Variants in SCCPDH observed in about 807,000 individuals in gnomAD.
SCCPDH encodes the protein saccharopine dehydrogenase (putative), also known as saccharopine dehydrogenase-like oxidoreductase.
SCCPDH carries 34 observed loss-of-function variants against 51.5 expected under a neutral mutation model. The ratio of observed to expected loss-of-function variants is 0.66; its 90% CI spans 0.50 to 0.88. The LOEUF is 0.88. Ranked by LOEUF, SCCPDH falls within the 40% of genes least tolerant of loss-of-function variation. The probability of loss-of-function intolerance (pLI) is 0.00; values close to 1 mark genes in which losing one functional copy is unlikely to be tolerated. For synonymous variants in SCCPDH, 187 were observed against 191.3 expected (o/e 0.98, Z 0.19); for missense variants, 464 against 527.1 (o/e 0.88, Z 1.17).
intron 5 of SCCPDH, among the ~76,000 whole-genome samples, chr1:246,746,095 G>T (rs544154962): frequency 1.6e-5 from 2 of 125,356 alleles, no homozygotes; most frequent in East Asian, 4.6e-4. Flanking sequence ...GCGACAGAGC[G>T]AGACTCCATC....
intron 5 of SCCPDH, among the ~76,000 whole-genome samples, chr1:246,751,353 T>C (rs998380296): frequency 1.3e-5 from 2 of 152,256 alleles, no homozygotes; most frequent in Admixed American, 1.3e-4. Flanking sequence ...TGTGCTTTTA[T>C]TTTAATGTCC....
intron 5 of SCCPDH, among the ~76,000 whole-genome samples, chr1:246,745,418 A>G (rs995002002): frequency 2.0e-5 from 3 of 152,210 alleles, no homozygotes; most frequent in African/African-American, 7.2e-5. Context: ...TGCAAACCCT[A>G]CCTTTAAAGT....
intron 2 of SCCPDH, among the ~76,000 whole-genome samples, chr1:246,730,871 C>A (rs1172887297): frequency 1.3e-5 from 2 of 151,986 alleles, no homozygotes; most frequent in Admixed American, 6.6e-5. Context: ...CCAGCCTGGC[C>A]AACATGGTGA....
At chr1:246,757,109 C>G (rs907837383) in intron 5 of SCCPDH, among the ~76,000 whole-genome samples, 2 of 152,090 alleles carry the variant, frequency 1.3e-5, no homozygotes, top group African/African-American at 4.8e-5. Context: ...TTTGGGAGGC[C>G]AAGGCGGGCG....
chr1:246,759,568 C>G (rs573033847), intron 7 of SCCPDH, among the ~76,000 whole-genome samples: 1 of 152,138 alleles, frequency 6.6e-6, no homozygotes, highest in Non-Finnish European at 1.5e-5. Context: ...GCCGAGACTT[C>G]AGGAGGAAAT....
At chr1:246,753,307 A>G (rs1668882392) in intron 5 of SCCPDH, among the ~76,000 whole-genome samples, 2 of 152,058 alleles carry the variant, frequency 1.3e-5, no homozygotes, top group African/African-American at 4.8e-5. Context: ...GGCTTCTCTT[A>G]GAAGCTCTTC....
At chr1:246,751,617 C>A (rs1352305520) in intron 5 of SCCPDH, among the ~76,000 whole-genome samples, 1 of 152,130 alleles carries the variant, frequency 6.6e-6, no homozygotes, top group Non-Finnish European at 1.5e-5. Flanking sequence ...ACATTTCTTG[C>A]ATAAATTCCC....
rs1191192593 is a variant in SCCPDH, at chr1:246,724,438, A to G, written c.16A>G (p.Arg6Gly). 19 of 1,582,150 alleles carry G rather than the reference A, an allele frequency of 1.2e-5. No individual in the cohort carries two copies. Among genetic ancestry groups the G allele is most frequent in the Non-Finnish European group, 1.5e-5 (17 of 1,167,398 alleles). ...TGGACTCGTCATGGCGACCGAGCAG[A>G]GGCCTTTCCACCTGGTGGTGTTCGG... MATEQ[R>G]PFHLVVFGAS... The change falls in exon 1 of 12, where the codon AGG (arginine) becomes GGG (glycine). Residue 6 changes from arginine to glycine, a missense_variant. By Grantham distance (125) the Arg-to-Gly change is moderately radical (BLOSUM62 -2). Coordinates refer to ENST00000366510, the MANE Select transcript of SCCPDH (RefSeq NM_016002.3).
intron 2 of SCCPDH, among the ~76,000 whole-genome samples, chr1:246,731,760 A>G (rs1668493750): frequency 1.3e-5 from 2 of 152,264 alleles, no homozygotes; most frequent in East Asian, 1.9e-4. Context: ...CATGTGCACA[A>G]CATGCAGGCT....
Position 246,738,509 on chromosome 1 carries a change from C to CA in SCCPDH, c.385-1651dup, listed in dbSNP as rs112316148. 2.4e-3 allele frequency among the ~76,000 whole-genome samples: 298 copies of CA among 122,306 alleles called. 2 individuals are homozygous for CA. Among genetic ancestry groups the CA allele is most frequent in the Middle Eastern group, 8.5e-3 (2 of 234 alleles). The allele number at this position is 122,306 out of a possible 152,430, so 80.2% of individuals were successfully genotyped here. A position where few individuals can be genotyped will look rare whatever the true frequency, so the allele number is the denominator to read the frequency against. On this transcript the variant is annotated intron_variant, in intron 3 of 11. Coordinates refer to ENST00000366510, the MANE Select transcript of SCCPDH (RefSeq NM_016002.3). The stretch of plus-strand genomic sequence containing the variant: ...CTGGCGACAGAGTGGGACTCCGTCT[C>CA]AAAAAAAAAAAACCCAGAGTATTTA...
intron 5 of SCCPDH, among the ~76,000 whole-genome samples, chr1:246,748,469 G>A (rs1245199805): frequency 6.6e-6 from 1 of 152,136 alleles, no homozygotes; most frequent in African/African-American, 2.4e-5. Context: ...CACAAACACC[G>A]CCTTTTTTGG....
intron 1 of SCCPDH, 97 bp downstream of exon 1, chr1:246,724,709 G>A (rs185443692): frequency 9.1e-7 from 1 of 1,103,066 alleles, no homozygotes; most frequent in Non-Finnish European, 1.2e-6. Context: ...TGCGCCCTAC[G>A]TGTCCCCGAG....
Position 246,764,260 on chromosome 1 carries a change from A to G in SCCPDH, c.1005A>G (p.Ser335=). 6.2e-7 allele frequency: 1 copy of G among 1,612,868 alleles called. No individual in the cohort carries two copies. Among genetic ancestry groups the G allele is most frequent in the Non-Finnish European group, 8.5e-7 (1 of 1,179,048 alleles). Residue 335 remains serine (S), a synonymous_variant, in exon 10 of 12, where the codon TCA becomes TCG. Coordinates refer to ENST00000366510, the MANE Select transcript of SCCPDH (RefSeq NM_016002.3). ...CTCCTTCACAGATTGATGCTGCCTC[A>G]TTCACGCTGACATTCTTTGGTCAAG... ...GPTQKQIDAA[S]FTLTFFGQGY...
intron 3 of SCCPDH, among the ~76,000 whole-genome samples, chr1:246,739,085 A>G (rs776613151): frequency 8.6e-5 from 13 of 151,866 alleles, no homozygotes; most frequent in Non-Finnish European, 1.8e-4. Flanking sequence ...GTGTATGTGC[A>G]TGAATGGGTG....
chr1:246,731,864 G>GC (rs1668496162), intron 2 of SCCPDH, among the ~76,000 whole-genome samples: 1 of 126,956 alleles, frequency 7.9e-6, no homozygotes, highest in Admixed American at 8.4e-5. Flanking sequence ...CCCTACCCCT[G>GC]CCCCCCACCC....
chr1:246,730,642 G>A (rs1299570182), intron 2 of SCCPDH, among the ~76,000 whole-genome samples: 7 of 152,158 alleles, frequency 4.6e-5, no homozygotes, highest in South Asian at 4.1e-4. Context: ...AACCGTTAAC[G>A]GAACGTCATG....
chr1:246,744,000 A>G (rs1668719158), intron 4 of SCCPDH, 76 bp from the exon 5 acceptor site: 4 of 843,282 alleles, frequency 4.7e-6, no homozygotes, highest in Non-Finnish European at 5.9e-6. Context: ...GTGAATACGC[A>G]TTGTTTATTA....
intron 2 of SCCPDH, among the ~76,000 whole-genome samples, chr1:246,731,777 A>G (rs1399323518): frequency 2.0e-5 from 3 of 152,170 alleles, no homozygotes; most frequent in Non-Finnish European, 2.9e-5. Flanking sequence ...GGCTCGTTAC[A>G]TAGGTATACA....
At chr1:246,756,120 C>T (rs4130316) in intron 5 of SCCPDH, among the ~76,000 whole-genome samples, 48,909 of 152,034 alleles carry the variant, frequency 0.32, 9,205 homozygotes, top group South Asian at 0.47. Context: ...CCAAAACACA[C>T]GATTAAGAAA....
Sources: allele counts gnomAD v4.1 joint callset (sites outside exome capture counted in the v4.1 genomes callset), GRCh38; gene constraint gnomAD v4.1.1; transcripts MANE v1.5; gene names NCBI Gene and HGNC (gene_info 2026-07-23, HGNC 2026-07-21).